Variants in TAX1BP1 observed in about 807,000 individuals in gnomAD.
TAX1BP1 encodes Tax1 binding protein 1.
In TAX1BP1, 62 loss-of-function variants were observed where a neutral mutation model predicts 97.7. The ratio of observed to expected loss-of-function variants is 0.63; its 90% CI spans 0.52 to 0.78. The LOEUF is 0.78. TAX1BP1 is among the 30% of genes least tolerant of loss of function. The pLI is 0.00. For synonymous variants in TAX1BP1, 340 were observed against 304.2 expected (o/e 1.12, Z -1.23); for missense variants, 867 against 916.1 (o/e 0.95, Z 0.69).
intron 13 of TAX1BP1, among the ~76,000 whole-genome samples, chr7:27,808,325 A>G (rs1260409098): frequency 2.0e-5 from 3 of 152,194 alleles, no homozygotes; most frequent in Non-Finnish European, 4.4e-5. Flanking sequence ...CTCTCTTTCC[A>G]TAATATAACT....
chr7:27,780,738 G>A (rs1044094659), intron 5 of TAX1BP1, among the ~76,000 whole-genome samples: 3 of 152,016 alleles, frequency 2.0e-5, no homozygotes, highest in Non-Finnish European at 2.9e-5. Context: ...TGTATACATA[G>A]CAATATATTT....
At chr7:27,797,438 T>C (rs976745839) in intron 12 of TAX1BP1, among the ~76,000 whole-genome samples, 6 of 152,138 alleles carry the variant, frequency 3.9e-5, no homozygotes, top group African/African-American at 1.4e-4. Flanking sequence ...GAAAAAGTGT[T>C]GTTTGTGCAA....
At chr7:27,810,673 G>C (rs1305807800) in intron 13 of TAX1BP1, among the ~76,000 whole-genome samples, 1 of 152,072 alleles carries the variant, frequency 6.6e-6, no homozygotes, top group Non-Finnish European at 1.5e-5. Context: ...TCCTGCCTGA[G>C]ACAGGGTCTT....
Position 27,828,952 on chromosome 7 carries a change from G to C in TAX1BP1, c.*123G>C. On this transcript the variant is annotated 3_prime_UTR_variant, in exon 17 of 17. Coordinates refer to ENST00000396319, the MANE Select transcript of TAX1BP1 (RefSeq NM_006024.7). ...TCATGCACCCTTTACTGCACTTTCT[G>C]ACCAGGAGCTACTTTGAGTTTGGTG... 1.4e-6 allele frequency: 1 copy of C among 699,492 alleles called. No homozygotes were observed. The allele number at this position is 699,492 out of a possible 1,614,324, so 43.3% of individuals were successfully genotyped here. A position where few individuals can be genotyped will look rare whatever the true frequency, so the allele number is the denominator to read the frequency against.
At chr7:27,801,859 G>C (rs1473193668) in intron 13 of TAX1BP1, among the ~76,000 whole-genome samples, 1 of 152,184 alleles carries the variant, frequency 6.6e-6, no homozygotes. Context: ...ACCAGACAAG[G>C]CAAAATGTGA....
chr7:27,785,103 A>C (rs1789423446), intron 5 of TAX1BP1, 60 bp from the exon 6 acceptor site: 1 of 1,508,756 alleles, frequency 6.6e-7, no homozygotes, highest in South Asian at 1.4e-5. Flanking sequence ...AAGATATGCA[A>C]ATTTGCTTTA....
Position 27,769,688 on chromosome 7 carries a change from A to G in TAX1BP1, c.466A>G (p.Lys156Glu), listed in dbSNP as rs1402084690. 1 of 1,604,344 alleles carries G rather than the reference A, an allele frequency of 6.2e-7. No individual in the cohort carries two copies. The highest frequency in any genetic ancestry group is 2.2e-5 in the East Asian group (1 of 44,700). The change falls in exon 5 of 17, where the codon AAA (lysine) becomes GAA (glutamate). Residue 156 changes from lysine to glutamate, a missense_variant. Physicochemically the swap from Lys to Glu is moderately conservative, Grantham distance 56. Coordinates refer to ENST00000396319, the MANE Select transcript of TAX1BP1 (RefSeq NM_006024.7). ...TTTTGCTTTATAGTTGAAAATTGAG[A>G]AAACCATGAAAGAAAAAGAAGAACT... is the stretch of plus-strand genomic sequence containing the variant. ...KAGLLELKIE[K>E]TMKEKEELLK...
intron 10 of TAX1BP1, 133 bp downstream of exon 10, chr7:27,793,345 A>G: frequency 1.2e-6 from 1 of 815,580 alleles, no homozygotes; most frequent in Non-Finnish European, 1.8e-6. Context: ...CATTGGCCAA[A>G]TATTGTAATA....
intron 13 of TAX1BP1, among the ~76,000 whole-genome samples, chr7:27,801,598 T>A (rs1434143809): frequency 6.6e-6 from 1 of 152,208 alleles, no homozygotes; most frequent in Non-Finnish European, 1.5e-5. Context: ...GGCACAGTGC[T>A]ATGCTTAAGG....
At chr7:27,816,562 GA>G (rs781773434) in intron 14 of TAX1BP1, 42 bp downstream of exon 14, 62 of 1,469,298 alleles carry the variant, frequency 4.2e-5, no homozygotes, top group Non-Finnish European at 5.2e-5. Flanking sequence ...TGCATCTGGA[GA>G]TTTTTTTATG....
chr7:27,765,204 C>T (rs1788587342), intron 3 of TAX1BP1, among the ~76,000 whole-genome samples: 1 of 150,252 alleles, frequency 6.7e-6, no homozygotes, highest in Non-Finnish European at 1.5e-5. Flanking sequence ...TTTGTAGTGA[C>T]AGGGTTTCAC....
At chr7:27,769,470 C>T (rs1307167995) in intron 4 of TAX1BP1, among the ~76,000 whole-genome samples, 3 of 151,760 alleles carry the variant, frequency 2.0e-5, no homozygotes, top group African/African-American at 7.3e-5. Context: ...CTTCTTTGCT[C>T]AACCAAAAGA....
chr7:27,786,554 A>G (rs1452826639), intron 7 of TAX1BP1, among the ~76,000 whole-genome samples: 1 of 152,154 alleles, frequency 6.6e-6, no homozygotes, highest in Non-Finnish European at 1.5e-5. Flanking sequence ...GCAATTCCAG[A>G]TGAGGAATTT....
chr7:27,816,243 A>G (rs1250303111), intron 13 of TAX1BP1, 106 bp from the exon 14 acceptor site: 1 of 950,804 alleles, frequency 1.1e-6, no homozygotes. Context: ...CAACTTCATA[A>G]TAGGAAATAA....
rs1325676183 is a variant in TAX1BP1 at position 27,827,826 on chromosome 7, T to A, written c.2168+6T>A. On this transcript the variant is annotated splice_donor_region_variant and intron_variant, in intron 16 of 16. Transcript: ENST00000396319. The stretch of plus-strand genomic sequence containing the variant: ...GGCTTTTGCTTTGATTCCAGGTAGT[T>A]TTCTTCTTTACTTTGTAGAATTTGG... 3.1e-6 allele frequency: 5 copies of A among 1,612,768 alleles called. No homozygotes were observed. The highest frequency in any genetic ancestry group is 4.2e-6 in the Non-Finnish European group (5 of 1,179,446).
chr7:27,786,132 AT>A (rs34913580), intron 7 of TAX1BP1, among the ~76,000 whole-genome samples: 5,516 of 140,412 alleles, frequency 0.039, 112 homozygotes, highest in Middle Eastern at 0.078. Flanking sequence ...GAAGTTTTGA[AT>A]TTTTTTTTTT....
intron 5 of TAX1BP1, among the ~76,000 whole-genome samples, chr7:27,783,917 A>G (rs553931497): frequency 2.0e-4 from 30 of 152,306 alleles, no homozygotes; most frequent in African/African-American, 6.7e-4. Flanking sequence ...GTATTATGGC[A>G]TTGGAACCAA....
At chr7:27,810,509 C>G (rs979146078) in intron 13 of TAX1BP1, among the ~76,000 whole-genome samples, 5 of 152,146 alleles carry the variant, frequency 3.3e-5, no homozygotes, top group Admixed American at 6.5e-5. Context: ...TAATTTGCTT[C>G]TGGTTTTGAG....
At chr7:27,817,063 G>A in intron 15 of TAX1BP1, 25 bp downstream of exon 15, 1 of 1,588,734 alleles carries the variant, frequency 6.3e-7, no homozygotes, top group Non-Finnish European at 8.5e-7. Flanking sequence ...CATTGTGTGA[G>A]CCTGTCCCTT....
Sources: gnomAD v4.1 joint callset for allele counts (sites outside exome capture counted in the v4.1 genomes callset) on GRCh38, gnomAD v4.1.1 for gene constraint, MANE v1.5 for transcripts, NCBI Gene and HGNC (gene_info 2026-07-23, HGNC 2026-07-21) for gene names.